Variants in CDKAL1 observed in about 807,000 individuals in gnomAD.
CDKAL1 encodes CDKAL1 threonylcarbamoyladenosine tRNA methylthiotransferase.
CDKAL1 carries 32 observed loss-of-function variants against 68.2 expected under a neutral mutation model. That is an observed-to-expected ratio of 0.47 (90% confidence interval 0.35 to 0.63). The LOEUF is 0.63. Ranked by LOEUF, CDKAL1 falls within the 30% of genes least tolerant of loss-of-function variation. CDKAL1 has a pLI of 0.00. For missense variants in CDKAL1, 606 were observed against 696.7 expected (o/e 0.87, Z 1.47); for synonymous variants, 234 against 244.3 (o/e 0.96, Z 0.39).
chr6:20,649,288 A>C lies in CDKAL1; in HGVS notation c.287-5A>C. The C allele has an allele frequency of 6.3e-7, 1 of 1,597,528 alleles. No homozygotes were observed. ...ACTTCTTTTTTGTGTTCATTTTTTT[A>C]ATAGAAAATGCATCCGATGCAGATT... On this transcript the variant is annotated splice_region_variant and splice_polypyrimidine_tract_variant and intron_variant, in intron 4 of 15. Transcript: ENST00000274695.
At chr6:20,852,494 T>A (rs184047223) in intron 9 of CDKAL1, among the ~76,000 whole-genome samples, 1 of 152,360 alleles carries the variant, frequency 6.6e-6, no homozygotes, top group East Asian at 1.9e-4. Flanking sequence ...AAATATAATA[T>A]TAAAATGTAA....
At chr6:20,596,359 C>T (rs1765822488) in intron 4 of CDKAL1, among the ~76,000 whole-genome samples, 5 of 152,194 alleles carry the variant, frequency 3.3e-5, no homozygotes, top group Admixed American at 3.3e-4. Flanking sequence ...AGATGCCCTC[C>T]CCAGCGAGGA....
In CDKAL1 at chr6:21,190,671, A is replaced by ATG. The variant is rs575150734; in HGVS notation, c.1300-7346_1300-7345dup. Among the ~76,000 whole-genome samples the ATG allele has an allele frequency of 1.3e-3, 192 of 152,314 alleles. 3 individuals carry two copies. The highest frequency in any genetic ancestry group is 4.5e-3 in the African/African-American group (187 of 41,578). On this transcript the variant is annotated intron_variant, in intron 13 of 15. Transcript: ENST00000274695. ...CGTGAGCCGCTGCGCCCGGGCTGAT[A>ATG]TGTGTTTTAATCTTTGCCTTAGGAA...
chr6:21,041,801 T>TA (rs2150895885), intron 11 of CDKAL1, among the ~76,000 whole-genome samples: 1 of 152,302 alleles, frequency 6.6e-6, no homozygotes, highest in East Asian at 1.9e-4. Context: ...TACAGTCTGG[T>TA]AAAATCACGT....
intron 4 of CDKAL1, chr6:20,559,020 T>A (rs545782739): frequency 6.5e-6 from 1 of 152,940 alleles, no homozygotes; most frequent in East Asian, 1.9e-4. Context: ...CATTCTATTT[T>A]TTTTCTTTTT....
At chr6:20,664,830 A>G (rs1408960711) in intron 5 of CDKAL1, among the ~76,000 whole-genome samples, 1 of 152,154 alleles carries the variant, frequency 6.6e-6, no homozygotes, top group Non-Finnish European at 1.5e-5. Context: ...AGAAATTTGC[A>G]ATATACCAAC....
chr6:20,552,942 G>A (rs1763890436), intron 4 of CDKAL1, among the ~76,000 whole-genome samples: 1 of 152,108 alleles, frequency 6.6e-6, no homozygotes, highest in Non-Finnish European at 1.5e-5. Context: ...TAATGAGAAT[G>A]TATAAAGTTT....
chr6:20,917,735 G>A (rs368255914), intron 9 of CDKAL1, among the ~76,000 whole-genome samples: 24 of 152,252 alleles, frequency 1.6e-4, no homozygotes, highest in African/African-American at 5.1e-4. Context: ...CCACATATGA[G>A]TGAGAACATA....
chr6:20,930,251 G>A (rs1280721372), intron 9 of CDKAL1, among the ~76,000 whole-genome samples: 5 of 50,942 alleles, frequency 9.8e-5, no homozygotes, highest in Non-Finnish European at 1.5e-4. Flanking sequence ...CACCATAAAC[G>A]TGAATTAAAA....
At chr6:20,571,363 G>A (rs1220399502) in intron 4 of CDKAL1, among the ~76,000 whole-genome samples, 2 of 152,046 alleles carry the variant, frequency 1.3e-5, no homozygotes, top group South Asian at 2.1e-4. Context: ...GTATTCAGCA[G>A]TTGAACAAGA....
chr6:20,886,321 C>A (rs1029821436), intron 9 of CDKAL1, among the ~76,000 whole-genome samples: 1 of 152,128 alleles, frequency 6.6e-6, no homozygotes, highest in African/African-American at 2.4e-5. Context: ...CTGTGGAAAA[C>A]AATGTGACTG....
intron 13 of CDKAL1, among the ~76,000 whole-genome samples, chr6:21,141,666 G>A (rs1282765758): frequency 6.6e-6 from 1 of 152,164 alleles, no homozygotes; most frequent in African/African-American, 2.4e-5. Context: ...CTGGCATTAT[G>A]GATGGGGAAG....
chr6:21,186,037 C>A (rs1396999549), intron 13 of CDKAL1, among the ~76,000 whole-genome samples: 1 of 150,884 alleles, frequency 6.6e-6, no homozygotes, highest in Non-Finnish European at 1.5e-5. Flanking sequence ...GAGCCGGGCT[C>A]TCAGGGTCTC....
intron 13 of CDKAL1, among the ~76,000 whole-genome samples, chr6:21,194,617 A>T (rs1421819174): frequency 1.3e-5 from 2 of 152,182 alleles, no homozygotes; most frequent in African/African-American, 4.8e-5. Context: ...AGCCAGGATG[A>T]TTACTCTCAA....
intron 5 of CDKAL1, among the ~76,000 whole-genome samples, chr6:20,651,890 G>T (rs2050225): frequency 6.6e-6 from 1 of 151,992 alleles, no homozygotes; most frequent in Non-Finnish European, 1.5e-5. Context: ...CTCGCATCCA[G>T]GGATGAAGCC....
intron 13 of CDKAL1, among the ~76,000 whole-genome samples, chr6:21,117,414 G>A (rs1469779345): frequency 4.0e-5 from 6 of 151,554 alleles, no homozygotes; most frequent in Admixed American, 3.3e-4. Context: ...AGGGTGGGCG[G>A]ATCTGTTGAA....
intron 8 of CDKAL1, among the ~76,000 whole-genome samples, chr6:20,816,474 A>G (rs2150433027): frequency 6.6e-6 from 1 of 152,322 alleles, no homozygotes; most frequent in African/African-American, 2.4e-5. Flanking sequence ...GATTTCCATC[A>G]TGACCTGACA....
chr6:20,782,930 A>AT (rs910094685), intron 8 of CDKAL1, among the ~76,000 whole-genome samples: 6 of 151,430 alleles, frequency 4.0e-5, no homozygotes, highest in East Asian at 3.9e-4. Flanking sequence ...AAAAATGCAG[A>AT]TTTTTTTTTC....
intron 10 of CDKAL1, among the ~76,000 whole-genome samples, chr6:20,997,541 C>T (rs189144581): frequency 3.1e-4 from 17 of 54,672 alleles, no homozygotes; most frequent in Non-Finnish European, 4.7e-4. Flanking sequence ...ACGGGGGTGG[C>T]GGGGGGAGGG....
Sources: gnomAD v4.1 joint callset for allele counts (sites outside exome capture counted in the v4.1 genomes callset) on GRCh38, gnomAD v4.1.1 for gene constraint, MANE v1.5 for transcripts, NCBI Gene and HGNC (gene_info 2026-07-23, HGNC 2026-07-21) for gene names.